Variants in TCAIM observed in about 807,000 individuals in gnomAD.
The protein encoded by TCAIM is T cell activation inhibitor, mitochondrial.
TCAIM carries 36 observed loss-of-function variants against 58.6 expected under a neutral mutation model. That is an observed-to-expected ratio of 0.61 (90% CI 0.47 to 0.81). TCAIM has a LOEUF of 0.81. Ranked by LOEUF, TCAIM falls within the 30% of genes least tolerant of loss-of-function variation. The pLI is 0.00. For synonymous variants in TCAIM, 172 were observed against 193.6 expected (o/e 0.89, Z 0.93); for missense variants, 466 against 579.6 (o/e 0.80, Z 2.01).
At chr3:44,390,807 C>CA (rs964479042) in intron 5 of TCAIM, among the ~76,000 whole-genome samples, 11 of 152,034 alleles carry the variant, frequency 7.2e-5, no homozygotes, top group Admixed American at 1.3e-4. Context: ...CTAGTCTCTA[C>CA]AAAAAAATAA....
intron 1 of TCAIM, among the ~76,000 whole-genome samples, chr3:44,342,176 C>T (rs1700867774): frequency 1.3e-5 from 2 of 152,112 alleles, no homozygotes; most frequent in Admixed American, 1.3e-4. Flanking sequence ...CTAAATTGTA[C>T]TCCTGTCTAG....
At chr3:44,369,340 T>C (rs1367719299) in intron 5 of TCAIM, among the ~76,000 whole-genome samples, 1 of 152,118 alleles carries the variant, frequency 6.6e-6, no homozygotes, top group East Asian at 1.9e-4. Context: ...AACAGTGAGA[T>C]TGAATACATC....
chr3:44,339,605 T>C (rs894243783), intron 1 of TCAIM: 7 of 152,198 alleles, frequency 4.6e-5, no homozygotes, highest in Non-Finnish European at 7.3e-5. Context: ...GAAACTAATA[T>C]CACTGTTAAG....
At chr3:44,365,823 T>A (rs1185599042) in intron 4 of TCAIM, among the ~76,000 whole-genome samples, 1 of 152,222 alleles carries the variant, frequency 6.6e-6, no homozygotes, top group Non-Finnish European at 1.5e-5. Context: ...TTTTATTTCA[T>A]TTCAATCAAT....
chr3:44,385,072 T>C (rs1701717785), intron 5 of TCAIM, among the ~76,000 whole-genome samples: 1 of 152,176 alleles, frequency 6.6e-6, no homozygotes. Context: ...CAATGTATTA[T>C]AAGAAACAGA....
At chr3:44,383,846 CA>C (rs924993694) in intron 5 of TCAIM, among the ~76,000 whole-genome samples, 14 of 148,932 alleles carry the variant, frequency 9.4e-5, no homozygotes, top group African/African-American at 3.0e-4. Flanking sequence ...TTAAATTAGC[CA>C]AGCTAATTAG....
rs150809985 is a variant in TCAIM at position 44,405,909 on chromosome 3, G to A, written c.1251-1533G>A. 3.2e-4 allele frequency among the ~76,000 whole-genome samples: 44 copies of A among 137,656 alleles called. No individual in the cohort carries two copies. In the East Asian group the frequency reaches 7.8e-3, roughly 24 times the overall value. The allele number at this position is 137,656 out of a possible 152,430, so 90.3% of individuals were successfully genotyped here. On this transcript the variant is annotated intron_variant, in intron 10 of 10. Coordinates refer to ENST00000342649, the MANE Select transcript of TCAIM (RefSeq NM_173826.4). ...AGAGGTTACAGTGAGCCAAGATCAC[G>A]CCACTGCACTCCAGCCTGGGCGACA...
rs75500505 is a variant in TCAIM, at chr3:44,407,685, C to G, written c.*3C>G. The stretch of plus-strand genomic sequence containing the variant: ...AGAATGGAGAAGCCATTAAGTAACA[C>G]AGAAATCTGTTTTATTTTTTTAAGA... On this transcript the variant is annotated 3_prime_UTR_variant, in exon 11 of 11. Transcript: ENST00000342649. 2.5e-6 allele frequency: 4 copies of G among 1,569,260 alleles called. No individual in the cohort carries two copies. Among genetic ancestry groups the G allele is most frequent in the Non-Finnish European group, 3.4e-6 (4 of 1,163,674 alleles).
At chr3:44,359,132 T>C (rs1372838509) in intron 3 of TCAIM, 10 of 957,194 alleles carry the variant, frequency 1.0e-5, no homozygotes, top group African/African-American at 3.5e-5. Flanking sequence ...ACACCTGTAG[T>C]CCCAGCTACT....
intron 5 of TCAIM, among the ~76,000 whole-genome samples, chr3:44,388,961 T>C (rs1701787602): frequency 6.6e-6 from 1 of 152,206 alleles, no homozygotes; most frequent in Admixed American, 6.5e-5. Context: ...ACTAATCCTC[T>C]CAGTGGCCAG....
chr3:44,358,289 A>G (rs755305562), intron 3 of TCAIM: 2 of 1,010,648 alleles, frequency 2.0e-6, no homozygotes, highest in Non-Finnish European at 3.1e-6. Flanking sequence ...CCACTCCCCT[A>G]CAACATCAGT....
intron 1 of TCAIM, among the ~76,000 whole-genome samples, chr3:44,344,802 G>A (rs1195760753): frequency 3.3e-5 from 5 of 152,048 alleles, no homozygotes; most frequent in African/African-American, 9.7e-5. Context: ...ATTTGGGTAG[G>A]TAGTGGGGAA....
chr3:44,367,857 A>G (rs1284281654), intron 5 of TCAIM, 149 bp downstream of exon 5: 3 of 741,866 alleles, frequency 4.0e-6, no homozygotes, highest in East Asian at 2.8e-5. Context: ...AAGTAATACT[A>G]TCAGTCTAGT....
At chr3:44,371,727 A>G (rs1424585373) in intron 5 of TCAIM, among the ~76,000 whole-genome samples, 1 of 152,148 alleles carries the variant, frequency 6.6e-6, no homozygotes, top group Non-Finnish European at 1.5e-5. Context: ...AAGCATGAGC[A>G]TTGCCCAGTT....
chr3:44,355,624 A>T (rs139907267), intron 2 of TCAIM, among the ~76,000 whole-genome samples: 47 of 152,356 alleles, frequency 3.1e-4, no homozygotes, highest in African/African-American at 1.1e-3. Flanking sequence ...AGAAGGAATG[A>T]TTTCATTGAA....
At chr3:44,357,407 A>T (rs1227279758) in intron 2 of TCAIM, among the ~76,000 whole-genome samples, 2 of 151,212 alleles carry the variant, frequency 1.3e-5, no homozygotes, top group Admixed American at 6.6e-5. Context: ...GAATTACACT[A>T]TTGGATATTA....
chr3:44,403,107 A>G (rs1375752372), intron 10 of TCAIM, among the ~76,000 whole-genome samples: 2 of 152,132 alleles, frequency 1.3e-5, no homozygotes. Flanking sequence ...CGTCTCTACT[A>G]AAAATATAAA....
At chr3:44,396,995 A>G (rs1701946406) in intron 8 of TCAIM, among the ~76,000 whole-genome samples, 161 bp downstream of exon 8, 1 of 152,218 alleles carries the variant, frequency 6.6e-6, no homozygotes, top group African/African-American at 2.4e-5. Flanking sequence ...TCAGATGCTT[A>G]AATACCATGT....
rs148996723 is a variant in TCAIM, at chr3:44,396,428, C to T, written c.724C>T (p.Arg242Cys). ...GCAGAGGAGCTGGGGCATCGCCCAC[C>T]GCTGTAGCCAGCTGCATAGTTTAAG... ...RWQRSWGIAH[R>C]CSQLHSLSRL... The change falls in exon 7 of 11, where the codon CGC becomes TGC. Residue 242 changes from arginine to cysteine, a missense_variant. Transcript: ENST00000342649. The T allele has an allele frequency of 1.6e-5, 26 of 1,613,540 alleles. No homozygotes were observed. The highest frequency in any genetic ancestry group is 9.3e-5 in the African/African-American group (7 of 74,890).
Sources: allele counts gnomAD v4.1 joint callset (sites outside exome capture counted in the v4.1 genomes callset), GRCh38; gene constraint gnomAD v4.1.1; transcripts MANE v1.5; gene names NCBI Gene and HGNC (gene_info 2026-07-23, HGNC 2026-07-21).